MALRD1: variants seen among roughly 807,000 people sequenced by gnomAD.
The protein encoded by MALRD1 is MAM and LDL receptor class A domain containing 1, also known as MAM and LDL-receptor class A domain-containing protein 1.
In MALRD1, 247 loss-of-function variants were observed where a neutral mutation model predicts 242.1. The observed-to-expected ratio is 1.02, with a 90% CI of 0.92 to 1.13. MALRD1 has a LOEUF of 1.13. Ranked by LOEUF, MALRD1 falls within the 50% of genes most tolerant of loss-of-function variation. The pLI is 0.00. For synonymous variants in MALRD1, 995 were observed against 866.6 expected, an observed-to-expected ratio of 1.15 and a Z score of -2.60; for missense variants, 2,989 against 2,533.1, an observed-to-expected ratio of 1.18 and a Z score of -3.86.
Position 19,283,251 on chromosome 10 carries a change from C to T in MALRD1, c.3419+70C>T. ...TTAAGCATCTCCCAAATTTCTGCCCCCACCACCTTATCCTAGGCCAATGCT... is the reference window on the plus strand; with the variant it reads ...TTAAGCATCTCCCAAATTTCTGCCCTCACCACCTTATCCTAGGCCAATGCT... On this transcript the variant is annotated intron_variant, in intron 21 of 39. Coordinates refer to ENST00000454679, the MANE Select transcript of MALRD1 (RefSeq NM_001142308.3). 2.4e-6 allele frequency: 3 copies of T among 1,272,322 alleles called. No homozygotes were observed. In the South Asian group the frequency reaches 6.7e-5, roughly 28 times the overall value. 78.8% of individuals were successfully genotyped at this position (1,272,322 alleles called of 1,614,324 possible). A position where few individuals can be genotyped will look rare whatever the true frequency, so the allele number is the denominator to read the frequency against.
At chr10:19,149,625 A>G (rs1282508640) in intron 11 of MALRD1, among the ~76,000 whole-genome samples, 1 of 152,144 alleles carries the variant, frequency 6.6e-6, no homozygotes, top group Non-Finnish European at 1.5e-5. Flanking sequence ...CTTCTTACTA[A>G]AGATAGCTTA....
intron 30 of MALRD1, among the ~76,000 whole-genome samples, chr10:19,494,249 C>G (rs1837618720): frequency 6.6e-6 from 1 of 152,180 alleles, no homozygotes; most frequent in East Asian, 1.9e-4. Flanking sequence ...AGCCTCAGCC[C>G]TCTGGAAACA....
intron 18 of MALRD1, among the ~76,000 whole-genome samples, chr10:19,244,515 A>G (rs1156240767): frequency 6.6e-6 from 1 of 152,104 alleles, no homozygotes; most frequent in African/African-American, 2.4e-5. Flanking sequence ...GGTGTGAGCC[A>G]TGATCACGCC....
At chr10:19,315,138 G>A (rs796250651) in intron 21 of MALRD1, among the ~76,000 whole-genome samples, 6 of 131,172 alleles carry the variant, frequency 4.6e-5, no homozygotes, top group South Asian at 2.3e-4. Context: ...ATAGAAATAT[G>A]TAAATATAAT....
intron 23 of MALRD1, among the ~76,000 whole-genome samples, chr10:19,327,958 T>C (rs1015001057): frequency 3.3e-5 from 5 of 152,130 alleles, no homozygotes; most frequent in Non-Finnish European, 7.4e-5. Context: ...ATAAGGAACA[T>C]TTACCTCTGT....
chr10:19,299,652 G>A (rs1191737174), intron 21 of MALRD1, among the ~76,000 whole-genome samples: 1 of 151,920 alleles, frequency 6.6e-6, no homozygotes. Flanking sequence ...ATGCAGAAAA[G>A]GCTTTCCATA....
intron 32 of MALRD1, among the ~76,000 whole-genome samples, chr10:19,561,697 T>C (rs957421657): frequency 1.4e-5 from 2 of 142,558 alleles, no homozygotes; most frequent in African/African-American, 2.7e-5. Context: ...TTGTGTCCTT[T>C]ACAATTGCCT....
At chr10:19,385,864 A>G (rs1331366961) in intron 26 of MALRD1, among the ~76,000 whole-genome samples, 1 of 151,988 alleles carries the variant, frequency 6.6e-6, no homozygotes, top group Non-Finnish European at 1.5e-5. Flanking sequence ...ATTTATCACT[A>G]TACACTTCCC....
chr10:19,483,279 A>G (rs12245994), intron 29 of MALRD1, among the ~76,000 whole-genome samples: 8,087 of 152,172 alleles, frequency 0.053, 739 homozygotes, highest in African/African-American at 0.18. Context: ...AGTCCTCAAA[A>G]GCAATTGCAA....
chr10:19,182,251 A>G (rs1835539082), intron 14 of MALRD1, among the ~76,000 whole-genome samples: 2 of 151,750 alleles, frequency 1.3e-5, no homozygotes, highest in Admixed American at 1.3e-4. Context: ...TCCTCATTTT[A>G]CGAACTTTCT....
At chr10:19,711,078 T>C (rs1259938931) in intron 38 of MALRD1, 1 of 152,222 alleles carries the variant, frequency 6.6e-6, no homozygotes, top group Non-Finnish European at 1.5e-5. Flanking sequence ...GGGTAGAAAC[T>C]TGGGAGGGCG....
At chr10:19,180,988 A>G (rs551215465) in intron 14 of MALRD1, among the ~76,000 whole-genome samples, 43 of 152,334 alleles carry the variant, frequency 2.8e-4, no homozygotes, top group African/African-American at 9.9e-4. Flanking sequence ...ATTAATCATC[A>G]GGGAAATACA....
At chr10:19,550,943 T>A (rs1835444775) in intron 32 of MALRD1, among the ~76,000 whole-genome samples, 1 of 152,062 alleles carries the variant, frequency 6.6e-6, no homozygotes, top group Non-Finnish European at 1.5e-5. Flanking sequence ...ACAATATAAG[T>A]GTTCCTTTTT....
chr10:19,121,398 T>G (rs1837059763), intron 5 of MALRD1, among the ~76,000 whole-genome samples: 1 of 152,142 alleles, frequency 6.6e-6, no homozygotes, highest in South Asian at 2.1e-4. Flanking sequence ...TTTGTGAAGT[T>G]TATCTCAATT....
At chr10:19,117,747 A>T (rs1836921713) in intron 5 of MALRD1, among the ~76,000 whole-genome samples, 1 of 152,202 alleles carries the variant, frequency 6.6e-6, no homozygotes, top group South Asian at 2.1e-4. Flanking sequence ...CAGATTGTGG[A>T]TGCATTCATA....
At chr10:19,531,398 A>C in intron 32 of MALRD1, 47 bp downstream of exon 32, 1 of 1,443,418 alleles carries the variant, frequency 6.9e-7, no homozygotes, top group Non-Finnish European at 9.3e-7. Context: ...TATGCATGAC[A>C]TGTTTAAACA....
At chr10:19,652,070 C>A (rs562932447) in intron 36 of MALRD1, among the ~76,000 whole-genome samples, 24 of 152,240 alleles carry the variant, frequency 1.6e-4, no homozygotes, top group Non-Finnish European at 3.4e-4. Flanking sequence ...GATGAAACTG[C>A]CAACAGGGCC....
rs1157306124 is a variant in MALRD1 at position 19,136,794 on chromosome 10, A to G, written c.1411+13A>G. 8.2e-7 allele frequency: 1 copy of G among 1,225,516 alleles called. No homozygotes were observed. The highest frequency in any genetic ancestry group is 1.6e-5 in the African/African-American group (1 of 64,286). The allele number at this position is 1,225,516 out of a possible 1,614,324, so 75.9% of individuals were successfully genotyped here. Reference sequence around the variant, plus strand: ...CCAGCAACTTGCTGTAAGTGAGTGAATGGCTTACTAGTTTACATGCTCTAA... The same window carrying G: ...CCAGCAACTTGCTGTAAGTGAGTGAGTGGCTTACTAGTTTACATGCTCTAA... On this transcript the variant is annotated intron_variant, in intron 10 of 39. Transcript: ENST00000454679.
intron 31 of MALRD1, among the ~76,000 whole-genome samples, chr10:19,512,838 T>A (rs1699069180): frequency 1.3e-5 from 2 of 152,172 alleles, no homozygotes; most frequent in Admixed American, 6.5e-5. Context: ...TTTCATAATT[T>A]AAGTCATTTT....
Sources: allele counts gnomAD v4.1 joint callset (sites outside exome capture counted in the v4.1 genomes callset), GRCh38; gene constraint gnomAD v4.1.1; transcripts MANE v1.5; gene names NCBI Gene and HGNC (gene_info 2026-07-23, HGNC 2026-07-21).